Variants in ARID1B observed in about 807,000 individuals in gnomAD.
ARID1B encodes AT-rich interaction domain 1B.
ARID1B carries 30 observed loss-of-function variants against 212.3 expected under a neutral mutation model. The ratio of observed to expected loss-of-function variants is 0.14; its 90% CI spans 0.11 to 0.19. The LOEUF is 0.19. Ranked by LOEUF, ARID1B falls within the 10% of genes least tolerant of loss-of-function variation. ARID1B has a pLI of 1.00. For missense variants in ARID1B, 2,891 were observed against 3,204.0 expected (o/e 0.90, Z 2.36); for synonymous variants, 1,402 against 1,301.7 (o/e 1.08, Z -1.66).
chr6:157,112,764 T>C (rs1405883064), intron 6 of ARID1B, among the ~76,000 whole-genome samples: 2 of 152,160 alleles, frequency 1.3e-5, no homozygotes, highest in Non-Finnish European at 2.9e-5. Context: ...TTGATCCACT[T>C]TCAAGGCAAA....
intron 2 of ARID1B, among the ~76,000 whole-genome samples, chr6:156,874,676 C>T (rs1265614626): frequency 1.3e-5 from 2 of 152,170 alleles, no homozygotes; most frequent in Non-Finnish European, 2.9e-5. Context: ...ACAAACCCCG[C>T]CTTCTTAAAT....
chr6:157,084,544 G>C, intron 4 of ARID1B, 118 bp from the exon 5 acceptor site: 1 of 1,301,992 alleles, frequency 7.7e-7, no homozygotes, highest in Non-Finnish European at 1.0e-6. Context: ...TTTTATTTTG[G>C]GTGTTACCCA....
intron 4 of ARID1B, among the ~76,000 whole-genome samples, chr6:156,962,834 G>A (rs1794483824): frequency 6.6e-6 from 1 of 152,030 alleles, no homozygotes; most frequent in South Asian, 2.1e-4. Flanking sequence ...CCAGGCTGGA[G>A]TGCAGTGGCA....
chr6:156,899,092 C>G (rs571510149), intron 2 of ARID1B, among the ~76,000 whole-genome samples: 28 of 152,258 alleles, frequency 1.8e-4, no homozygotes, highest in South Asian at 2.1e-4. Flanking sequence ...ACTACAACTT[C>G]TAGTTTAATA....
At chr6:156,912,108 TG>T (rs1462559487) in intron 3 of ARID1B, among the ~76,000 whole-genome samples, 1 of 152,230 alleles carries the variant, frequency 6.6e-6, no homozygotes, top group Non-Finnish European at 1.5e-5. Context: ...TTAAATGTTG[TG>T]TAAAGGATTC....
chr6:157,065,647 C>A (rs896942039), intron 4 of ARID1B, among the ~76,000 whole-genome samples: 1 of 152,134 alleles, frequency 6.6e-6, no homozygotes, highest in East Asian at 1.9e-4. Context: ...TAGAAACTTC[C>A]GTTTCAGTTG....
chr6:157,076,547 C>CTTTTTTTTTTTTTTTTTTTTTTTTTTTTT (rs767248750), intron 4 of ARID1B, among the ~76,000 whole-genome samples: 1 of 149,168 alleles, frequency 6.7e-6, no homozygotes, highest in Non-Finnish European at 1.5e-5. Context: ...AGGCTCATGC[C>CTTTTTTTTTTTTTTTTTTTTTTTTTTTTT]TTTTTATTGT....
intron 1 of ARID1B, among the ~76,000 whole-genome samples, chr6:156,794,038 T>A (rs1273489735): frequency 6.6e-6 from 1 of 152,206 alleles, no homozygotes; most frequent in African/African-American, 2.4e-5. Flanking sequence ...TTCTTTCCAC[T>A]AAACTAGTGG....
chr6:156,894,110 A>G (rs1316804960), intron 2 of ARID1B, among the ~76,000 whole-genome samples: 2 of 152,148 alleles, frequency 1.3e-5, no homozygotes, highest in Admixed American at 6.5e-5. Context: ...GGAATGAAAC[A>G]TGATACACAC....
At position 156,923,635 on chromosome 6, in the gene ARID1B, C is replaced by T. The variant is rs552431055; in HGVS notation, c.2137-11831C>T. Among the ~76,000 whole-genome samples, 20 of 152,030 alleles carry T rather than the reference C, an allele frequency of 1.3e-4. No individual in the cohort carries two copies. The South Asian group carries it at 4.2e-3, about 32-fold the overall frequency. ...AGATGGTGTGATGTAGAATTATTAG[C>T]AGCTGCTGTTACTACCAACACTGTC... is the stretch of plus-strand genomic sequence containing the variant. On this transcript the variant is annotated intron_variant, in intron 3 of 19. Transcript: ENST00000636930.
At chr6:156,936,378 T>C (rs1396984612) in intron 4 of ARID1B, 1 of 150,898 alleles carries the variant, frequency 6.6e-6, no homozygotes, top group East Asian at 1.9e-4. Context: ...AAGCTGTTTA[T>C]TTCCACCAAT....
At chr6:157,051,115 TTGAC>T (rs1473888113) in intron 4 of ARID1B, among the ~76,000 whole-genome samples, 1 of 152,216 alleles carries the variant, frequency 6.6e-6, no homozygotes, top group Non-Finnish European at 1.5e-5. Context: ...TGCACTGTAA[TTGAC>T]TGGGGAGATA....
intron 6 of ARID1B, among the ~76,000 whole-genome samples, chr6:157,131,327 A>C (rs989614245): frequency 6.6e-6 from 1 of 152,194 alleles, no homozygotes; most frequent in South Asian, 2.1e-4. Flanking sequence ...TCAAAATAAA[A>C]TAAAGTGATT....
At chr6:156,850,102 C>T (rs1278743554) in intron 2 of ARID1B, among the ~76,000 whole-genome samples, 1 of 150,328 alleles carries the variant, frequency 6.7e-6, no homozygotes, top group African/African-American at 2.5e-5. Flanking sequence ...CTGGCTTGCA[C>T]GTATTTAAGG....
At chr6:156,901,865 T>A (rs965630823) in intron 3 of ARID1B, 1 of 294,368 alleles carries the variant, frequency 3.4e-6, no homozygotes, top group Non-Finnish European at 6.3e-6. Context: ...GGAGAAGGAT[T>A]TTATCAATCA....
chr6:156,840,917 C>G (rs929095476), intron 2 of ARID1B, among the ~76,000 whole-genome samples: 1 of 152,182 alleles, frequency 6.6e-6, no homozygotes, highest in African/African-American at 2.4e-5. Flanking sequence ...ATACCTCAGT[C>G]TGGAGAAGGT....
intron 3 of ARID1B, among the ~76,000 whole-genome samples, chr6:156,917,137 T>C (rs1486247691): frequency 6.6e-6 from 1 of 152,166 alleles, no homozygotes; most frequent in Non-Finnish European, 1.5e-5. Context: ...AGTCACCATT[T>C]TTTTTTTAGA....
chr6:157,120,204 G>A (rs1787614255), intron 6 of ARID1B, among the ~76,000 whole-genome samples: 2 of 152,202 alleles, frequency 1.3e-5, no homozygotes, highest in Non-Finnish European at 2.9e-5. Flanking sequence ...TTTGTGTAAG[G>A]AATGACTGGA....
At chr6:156,988,707 G>A (rs1488877156) in intron 4 of ARID1B, among the ~76,000 whole-genome samples, 3 of 152,176 alleles carry the variant, frequency 2.0e-5, no homozygotes, top group South Asian at 2.1e-4. Context: ...TGTGTTTCAG[G>A]AGAGTGGGGA....
Sources: allele counts gnomAD v4.1 joint callset (sites outside exome capture counted in the v4.1 genomes callset), GRCh38; gene constraint gnomAD v4.1.1; transcripts MANE v1.5; gene names NCBI Gene and HGNC (gene_info 2026-07-23, HGNC 2026-07-21).